Variants in KAZN observed in about 807,000 individuals in gnomAD.
KAZN encodes the protein kazrin, periplakin interacting protein, also known as kazrin.
A neutral mutation model predicts 87.4 loss-of-function variants in KAZN; 40 were observed. The observed-to-expected ratio is 0.46, with a 90% CI of 0.36 to 0.60. KAZN has a LOEUF of 0.60. Among genes scored for constraint, KAZN ranks in the 20% least tolerant of loss-of-function variants. KAZN has a pLI of 0.00. For missense variants in KAZN, 898 were observed against 1,073.9 expected (o/e 0.84, Z 2.29); for synonymous variants, 466 against 458.3 (o/e 1.02, Z -0.22).
At chr1:14,027,038 C>T (rs1641108162) in intron 1 of KAZN, among the ~76,000 whole-genome samples, 1 of 152,162 alleles carries the variant, frequency 6.6e-6, no homozygotes, top group Non-Finnish European at 1.5e-5. Context: ...GATGGGGCAT[C>T]TGGGGACATG....
At chr1:13,960,937 C>G (rs977939732) in intron 1 of KAZN, among the ~76,000 whole-genome samples, 4 of 152,128 alleles carry the variant, frequency 2.6e-5, no homozygotes, top group African/African-American at 9.7e-5. Context: ...GCACTGTGTC[C>G]CTGGCTGAGA....
intron 1 of KAZN, among the ~76,000 whole-genome samples, chr1:14,839,138 A>T (rs1409580890): frequency 1.3e-5 from 2 of 152,142 alleles, no homozygotes; most frequent in Admixed American, 1.3e-4. Flanking sequence ...ACTAACACTT[A>T]GTGTTTCCTT....
intron 2 of KAZN, among the ~76,000 whole-genome samples, chr1:14,453,465 T>G (rs938272508): frequency 6.6e-6 from 1 of 152,064 alleles, no homozygotes; most frequent in Non-Finnish European, 1.5e-5. Context: ...CCAAATTTAG[T>G]CTAAAAAAAG....
intron 4 of KAZN, among the ~76,000 whole-genome samples, chr1:15,050,574 CTA>C (rs1340262628): frequency 2.6e-5 from 4 of 152,324 alleles, no homozygotes; most frequent in African/African-American, 7.2e-5. Flanking sequence ...CGCTCTGAGT[CTA>C]TGTCCCTTGT....
intron 1 of KAZN, among the ~76,000 whole-genome samples, chr1:14,921,590 G>T (rs1658532671): frequency 6.6e-6 from 1 of 152,192 alleles, no homozygotes; most frequent in South Asian, 2.1e-4. Flanking sequence ...ACAGGGGCCG[G>T]TGGCCTCATT....
chr1:14,274,407 G>A (rs1652190223), intron 2 of KAZN, among the ~76,000 whole-genome samples: 1 of 152,130 alleles, frequency 6.6e-6, no homozygotes, highest in African/African-American at 2.4e-5. Flanking sequence ...AGTCAAGCTG[G>A]CCAATGATCT....
chr1:15,094,896 G>T lies in KAZN; in HGVS notation c.1510G>T (p.Ala504Ser). 2 of 1,550,572 alleles carry T rather than the reference G, an allele frequency of 1.3e-6. No homozygotes were observed. Among genetic ancestry groups the T allele is most frequent in the Non-Finnish European group, 1.7e-6 (2 of 1,146,764 alleles). ...CCTGCACCGGCGCAAGCTGCGCCTG[G>T]CCATCGAGGACTACCGTGATGCCGA... Reference protein sequence around the residue: ...SSLHRRKLRLAIEDYRDAEAG... With the variant: ...SSLHRRKLRLSIEDYRDAEAG... Residue 504 changes from alanine (A) to serine (S), a missense_variant, in exon 10 of 15, where the codon GCC becomes TCC. Physicochemically the swap from Ala to Ser is moderately conservative, Grantham distance 99. This residue lies in a region of KAZN where 521 missense variants were observed against 689.4 expected (regional missense o/e 0.76). Transcript: ENST00000376030. The surrounding 1 kb of genome is among the most constrained non-coding windows in gnomAD (Gnocchi z 4.5).
intron 1 of KAZN, among the ~76,000 whole-genome samples, chr1:14,664,267 T>C (rs1639370472): frequency 1.3e-5 from 2 of 152,190 alleles, no homozygotes; most frequent in Non-Finnish European, 2.9e-5. Flanking sequence ...ACCCTGTCTC[T>C]ACTAAAACTA....
At chr1:14,486,000 G>A (rs1199461414) in intron 2 of KAZN, among the ~76,000 whole-genome samples, 2 of 151,940 alleles carry the variant, frequency 1.3e-5, no homozygotes, top group Non-Finnish European at 2.9e-5. Context: ...TCATGGAGCT[G>A]TAACACCACC....
chr1:14,210,211 G>T (rs10928052), intron 2 of KAZN, among the ~76,000 whole-genome samples: 5,343 of 152,126 alleles, frequency 0.035, 306 homozygotes, highest in East Asian at 0.29. Flanking sequence ...TTCTTGTGAT[G>T]GTGAATAAGT....
At chr1:14,366,611 A>G (rs1660019817) in intron 2 of KAZN, among the ~76,000 whole-genome samples, 1 of 152,200 alleles carries the variant, frequency 6.6e-6, no homozygotes, top group South Asian at 2.1e-4. Flanking sequence ...CGGGTGCAGG[A>G]GCCGTGGGCG....
At chr1:14,978,565 G>A (rs1041623010) in intron 2 of KAZN, among the ~76,000 whole-genome samples, 5 of 152,162 alleles carry the variant, frequency 3.3e-5, no homozygotes, top group East Asian at 3.9e-4. Context: ...TTCTTTGTTC[G>A]TTTCTCTTAA....
At chr1:14,845,941 G>A (rs893945964) in intron 1 of KAZN, among the ~76,000 whole-genome samples, 8 of 152,258 alleles carry the variant, frequency 5.3e-5, no homozygotes, top group African/African-American at 1.9e-4. Context: ...TGACAAAGCT[G>A]TCCAGGAGTC....
chr1:14,384,870 G>C lies in KAZN; in HGVS notation c.249+204278G>C, dbSNP rs1320204046. ...AGGAATCCCTCTTTTTCTATTGATT[G>C]GAATAGTTTCAGAAGGAATGGTACC... On this transcript the variant is annotated intron_variant, in intron 2 of 16. Transcript: ENST00000636203. Among the ~76,000 whole-genome samples the C allele has an allele frequency of 3.5e-4, 53 of 151,542 alleles. 1 individual carries two copies. The highest frequency in any genetic ancestry group is 3.5e-3 in the Admixed American group (53 of 15,202).
intron 2 of KAZN, among the ~76,000 whole-genome samples, chr1:14,327,742 T>C (rs1454746630): frequency 4.6e-5 from 7 of 152,220 alleles, no homozygotes; most frequent in Admixed American, 1.3e-4. Flanking sequence ...TCAAAGAGAA[T>C]GGGCTATCAT....
intron 2 of KAZN, among the ~76,000 whole-genome samples, chr1:15,012,602 C>T (rs1443755722): frequency 7.2e-5 from 11 of 152,146 alleles, no homozygotes; most frequent in Non-Finnish European, 2.9e-5. Context: ...GAACATAGAT[C>T]CTCTTGAAAA....
At chr1:14,182,058 A>G (rs1182038101) in intron 2 of KAZN, among the ~76,000 whole-genome samples, 2 of 152,116 alleles carry the variant, frequency 1.3e-5, no homozygotes, top group Admixed American at 1.3e-4. Flanking sequence ...CTAATTCATT[A>G]GAGAGCCTTC....
At chr1:14,501,125 A>G (rs1036427952) in intron 2 of KAZN, among the ~76,000 whole-genome samples, 8 of 138,580 alleles carry the variant, frequency 5.8e-5, no homozygotes, top group Non-Finnish European at 1.6e-5. Flanking sequence ...ATAAATAAAT[A>G]AATAAAAATA....
chr1:14,841,002 G>A (rs998941112), intron 1 of KAZN, among the ~76,000 whole-genome samples: 1 of 152,190 alleles, frequency 6.6e-6, no homozygotes, highest in Non-Finnish European at 1.5e-5. Context: ...GATAGTGTAA[G>A]CATGCACACA....
Sources: gnomAD v4.1 joint callset for allele counts (sites outside exome capture counted in the v4.1 genomes callset) on GRCh38, gnomAD v4.1.1 for gene constraint, gnomAD v4.1.1 regional missense constraint, Gnocchi (gnomAD v3.1) non-coding constraint, MANE v1.5 for transcripts, NCBI Gene and HGNC (gene_info 2026-07-23, HGNC 2026-07-21) for gene names.